AGBL1: variants seen among roughly 807,000 people sequenced by gnomAD.
AGBL1 encodes the protein AGBL carboxypeptidase 1.
A neutral mutation model predicts 118.9 loss-of-function variants in AGBL1; 130 were observed. The observed-to-expected ratio is 1.09, with a 90% CI of 0.95 to 1.26. The LOEUF (loss-of-function observed/expected upper bound fraction) is 1.26, where lower values mean the gene tolerates loss of function less well. Among genes scored for constraint, AGBL1 ranks in the 50% most tolerant of loss-of-function variants. The probability of loss-of-function intolerance (pLI) is 0.00; values close to 1 mark genes in which losing one functional copy is unlikely to be tolerated. For missense variants in AGBL1, 1,584 were observed against 1,298.1 expected, an observed-to-expected ratio of 1.22 and a Z score of -3.38; for synonymous variants, 555 against 478.9, an observed-to-expected ratio of 1.16 and a Z score of -2.08.
At chr15:86,618,270 C>T (rs2084757964) in intron 21 of AGBL1, among the ~76,000 whole-genome samples, 1 of 152,134 alleles carries the variant, frequency 6.6e-6, no homozygotes, top group Admixed American at 6.5e-5. Flanking sequence ...GAATTACTAA[C>T]TTCTTGGTGC....
intron 18 of AGBL1, among the ~76,000 whole-genome samples, chr15:86,488,631 A>T (rs1252542225): frequency 1.3e-5 from 2 of 151,986 alleles, no homozygotes; most frequent in African/African-American, 4.8e-5. Context: ...GCCTTCTGAC[A>T]CATCCCCTCA....
intron 19 of AGBL1, among the ~76,000 whole-genome samples, chr15:86,533,515 G>A (rs1205958439): frequency 9.3e-6 from 1 of 107,310 alleles, no homozygotes; most frequent in Non-Finnish European, 1.8e-5. Flanking sequence ...CTGTTGGTGG[G>A]ACTGTAAACT....
In AGBL1 at chr15:86,908,597, G is replaced by C. The variant is rs995242800; in HGVS notation, c.*1303G>C. On this transcript the variant is annotated 3_prime_UTR_variant, in exon 23 of 23. Transcript: ENST00000614907. ...AAATAGGCCCTCTTACTGGAAGGGA[G>C]CTGGGAAGGAGATTACAGAGGAGCA... The C allele has an allele frequency of 5.9e-5, 9 of 152,248 alleles. No homozygotes were observed. Among genetic ancestry groups the C allele is most frequent in the African/African-American group, 2.2e-4 (9 of 41,454 alleles). 9.4% of individuals were successfully genotyped at this position (152,248 alleles called of 1,614,324 possible).
At chr15:86,605,709 C>T (rs893727490) in intron 21 of AGBL1, among the ~76,000 whole-genome samples, 30 of 151,960 alleles carry the variant, frequency 2.0e-4, no homozygotes, top group African/African-American at 5.1e-4. Flanking sequence ...TTCAGAATAT[C>T]GCAAAAAGTT....
intron 6 of AGBL1, among the ~76,000 whole-genome samples, chr15:86,239,989 A>G (rs116184651): frequency 0.01 from 1,595 of 152,308 alleles, 28 homozygotes; most frequent in African/African-American, 0.035. Context: ...TGCTTTATCA[A>G]TTAAAAATGA....
intron 22 of AGBL1, among the ~76,000 whole-genome samples, chr15:86,794,966 C>A (rs1291624522): frequency 6.6e-6 from 1 of 152,120 alleles, no homozygotes; most frequent in Non-Finnish European, 1.5e-5. Context: ...CCGGGGGGAC[C>A]AGCACCTGTC....
At chr15:86,588,379 G>A (rs2084283943) in intron 21 of AGBL1, among the ~76,000 whole-genome samples, 1 of 152,144 alleles carries the variant, frequency 6.6e-6, no homozygotes, top group African/African-American at 2.4e-5. Context: ...TAATTCTACT[G>A]TCCTAAACAA....
intron 17 of AGBL1, among the ~76,000 whole-genome samples, chr15:86,356,251 G>A (rs1310942921): frequency 6.6e-6 from 1 of 152,038 alleles, no homozygotes; most frequent in East Asian, 1.9e-4. Flanking sequence ...ATGGCTTAGA[G>A]TTAACCCAGA....
chr15:86,358,180 C>T (rs887305381), intron 17 of AGBL1, among the ~76,000 whole-genome samples: 1 of 151,992 alleles, frequency 6.6e-6, no homozygotes, highest in African/African-American at 2.4e-5. Flanking sequence ...ATCAATATCT[C>T]CCCATTTCCC....
At chr15:86,702,251 G>A (rs2086372817) in intron 22 of AGBL1, among the ~76,000 whole-genome samples, 1 of 151,930 alleles carries the variant, frequency 6.6e-6, no homozygotes, top group African/African-American at 2.4e-5. Flanking sequence ...TAATAAAAAG[G>A]AACTGACAAG....
chr15:86,731,347 T>G (rs2077525239), intron 22 of AGBL1, among the ~76,000 whole-genome samples: 1 of 152,158 alleles, frequency 6.6e-6, no homozygotes, highest in South Asian at 2.1e-4. Context: ...CATATGCACA[T>G]CCAACATTCT....
chr15:86,666,071 AG>A (rs2085638865), intron 21 of AGBL1, among the ~76,000 whole-genome samples: 2 of 152,082 alleles, frequency 1.3e-5, no homozygotes, highest in South Asian at 4.1e-4. Flanking sequence ...ATTCTTCCAG[AG>A]GGGAATTTGT....
intron 18 of AGBL1, among the ~76,000 whole-genome samples, chr15:86,411,420 C>T (rs1398403814): frequency 6.6e-6 from 1 of 152,184 alleles, no homozygotes; most frequent in Non-Finnish European, 1.5e-5. Flanking sequence ...CTGGATCACT[C>T]TGCCTGGCAG....
chr15:86,966,590 C>T (rs2081055557), intron 23 of AGBL1, among the ~76,000 whole-genome samples: 1 of 151,972 alleles, frequency 6.6e-6, no homozygotes, highest in Non-Finnish European at 1.5e-5. Context: ...GTTTTTTGTC[C>T]TTGTGACAGT....
At position 86,936,240 on chromosome 15, in the gene AGBL1, ATGTGTGTGTG is replaced by A. The variant is rs767265459; in HGVS notation, c.3222-51728_3222-51719del. On this transcript the variant is annotated intron_variant, in intron 23 of 24. Coordinates refer to the AGBL1 transcript ENST00000441037. ...AAATTGTAAACAGCAGTGTGTATGT[ATGTGTGTGTG>A]TGTGTGTGTGTGTGTGTGACAGAGA... Among the ~76,000 whole-genome samples, 124 of 134,116 alleles carry A rather than the reference ATGTGTGTGTG, an allele frequency of 9.2e-4. 1 individual carries two copies. Among genetic ancestry groups the A allele is most frequent in the African/African-American group, 3.6e-3 (122 of 33,760 alleles). 88.0% of individuals were successfully genotyped at this position (134,116 alleles called of 152,430 possible). A position where few individuals can be genotyped will look rare whatever the true frequency, so the allele number is the denominator to read the frequency against.
intron 22 of AGBL1, among the ~76,000 whole-genome samples, chr15:86,795,766 A>G (rs1207701902): frequency 6.6e-6 from 1 of 151,300 alleles, no homozygotes; most frequent in Admixed American, 6.6e-5. Context: ...TTGTATTTTT[A>G]GTAGAGATGG....
At chr15:86,114,855 C>T (rs1897657739) in intron 1 of AGBL1, among the ~76,000 whole-genome samples, 1 of 152,190 alleles carries the variant, frequency 6.6e-6, no homozygotes, top group Admixed American at 6.5e-5. Context: ...GTCTGTTTCT[C>T]AGTGAATTCA....
intron 5 of AGBL1, among the ~76,000 whole-genome samples, chr15:86,218,288 G>A (rs1157732714): frequency 6.6e-6 from 1 of 152,080 alleles, no homozygotes; most frequent in African/African-American, 2.4e-5. Flanking sequence ...GGCAGGTGGT[G>A]TTAAGGGTGC....
intron 17 of AGBL1, among the ~76,000 whole-genome samples, chr15:86,367,835 G>A (rs1222771774): frequency 2.0e-5 from 3 of 152,150 alleles, no homozygotes; most frequent in Non-Finnish European, 4.4e-5. Flanking sequence ...AAGTTATCAT[G>A]GACCACAAAT....
Sources: allele counts gnomAD v4.1 joint callset (sites outside exome capture counted in the v4.1 genomes callset), GRCh38; gene constraint gnomAD v4.1.1; transcripts MANE v1.5; gene names NCBI Gene and HGNC (gene_info 2026-07-23, HGNC 2026-07-21).